PCDHA4: variants seen among roughly 807,000 people sequenced by gnomAD.
The protein encoded by PCDHA4 is protocadherin alpha 4.
Under a neutral mutation model 61.4 loss-of-function variants are expected in PCDHA4, and 49 were observed. That is an observed-to-expected ratio of 0.80 (90% CI 0.63 to 1.01). The LOEUF (loss-of-function observed/expected upper bound fraction) is 1.01. Ranked by LOEUF, PCDHA4 falls within the 50% of genes least tolerant of loss-of-function variation. PCDHA4 has a pLI of 0.00. For synonymous variants in PCDHA4, 590 were observed against 550.3 expected, an observed-to-expected ratio of 1.07 and a Z score of -1.01; for missense variants, 1,254 against 1,235.8, an observed-to-expected ratio of 1.01 and a Z score of -0.22.
At chr5:140,968,231 T>A in intron 1 of PCDHA4, 1 of 1,614,032 alleles carries the variant, frequency 6.2e-7, no homozygotes. Context: ...TGTGTTGCTC[T>A]GTACTGTGCA....
At chr5:140,966,666 C>T (rs2153748360) in intron 1 of PCDHA4, 7 of 1,259,308 alleles carry the variant, frequency 5.6e-6, no homozygotes, top group Non-Finnish European at 7.2e-6. Context: ...GGGGAGCAGG[C>T]GCAGGGTGGC....
intron 1 of PCDHA4, among the ~76,000 whole-genome samples, chr5:140,961,023 A>G (rs1216128174): frequency 6.6e-6 from 1 of 152,146 alleles, no homozygotes. Flanking sequence ...GACACTTGCT[A>G]CCTCCTTGTT....
intron 3 of PCDHA4, among the ~76,000 whole-genome samples, chr5:140,997,899 G>T (rs2097789789): frequency 6.6e-6 from 1 of 152,126 alleles, no homozygotes; most frequent in Non-Finnish European, 1.5e-5. Context: ...TAAATTTCAA[G>T]AAGTAGAATT....
chr5:140,917,067 C>T (rs375970452), intron 1 of PCDHA4, among the ~76,000 whole-genome samples: 3 of 152,178 alleles, frequency 2.0e-5, no homozygotes, highest in African/African-American at 4.8e-5. Context: ...ACGACAGCAC[C>T]GAGTTTAATG....
chr5:140,986,042 C>T (rs1344724281), intron 3 of PCDHA4, among the ~76,000 whole-genome samples: 1 of 152,104 alleles, frequency 6.6e-6, no homozygotes, highest in Admixed American at 6.5e-5. Context: ...CCTGGCCTCA[C>T]TGATGAATTC....
chr5:140,968,185 C>T (rs1554230464), intron 1 of PCDHA4: 1 of 1,614,034 alleles, frequency 6.2e-7, no homozygotes, highest in East Asian at 2.2e-5. Context: ...TGGAGGACTC[C>T]TATTCCATCT....
At chr5:140,989,140 C>A (rs2153881117) in intron 3 of PCDHA4, among the ~76,000 whole-genome samples, 1 of 152,290 alleles carries the variant, frequency 6.6e-6, no homozygotes, top group East Asian at 1.9e-4. Context: ...CACTTTATCC[C>A]TTCTTTTGTT....
At chr5:140,835,948 C>T (rs2150248824) in intron 1 of PCDHA4, 2 of 1,612,794 alleles carry the variant, frequency 1.2e-6, no homozygotes, top group East Asian at 2.2e-5. Context: ...GCGCTGCAGC[C>T]GTTGGACCAC....
intron 3 of PCDHA4, among the ~76,000 whole-genome samples, chr5:140,997,668 T>TTGTGTGTGTGTGTGTGTGTG (rs35184029): frequency 6.7e-6 from 1 of 148,244 alleles, no homozygotes; most frequent in African/African-American, 2.5e-5. Context: ...ATTATACAGC[T>TTGTGTGTGTGTGTGTGTGTG]TGTGTGTGTG....
At chr5:140,853,128 C>T (rs2150528900) in intron 1 of PCDHA4, 17 of 607,300 alleles carry the variant, frequency 2.8e-5, no homozygotes, top group Non-Finnish European at 3.6e-5. Flanking sequence ...ATCCTCCCGC[C>T]TCAGCCTCCC....
intron 3 of PCDHA4, among the ~76,000 whole-genome samples, chr5:140,995,010 T>A (rs1382186138): frequency 6.6e-6 from 1 of 152,156 alleles, no homozygotes; most frequent in Non-Finnish European, 1.5e-5. Context: ...TTGTTTATAT[T>A]TAGGAAAGAA....
intron 3 of PCDHA4, among the ~76,000 whole-genome samples, chr5:140,996,163 A>G (rs183777507): frequency 4.8e-4 from 73 of 152,326 alleles, no homozygotes; most frequent in African/African-American, 1.5e-3. Flanking sequence ...TTATACTGCA[A>G]TGTGCTGACA....
At chr5:140,990,627 A>G (rs782672988) in intron 3 of PCDHA4, among the ~76,000 whole-genome samples, 16 of 152,198 alleles carry the variant, frequency 1.1e-4, no homozygotes, top group Non-Finnish European at 1.5e-4. Flanking sequence ...GTCTGTGGTA[A>G]GACTAGAAGC....
chr5:140,829,101 T>C lies in PCDHA4; in HGVS notation c.2385+19529T>C, dbSNP rs2150162568. 8 of 1,611,922 alleles carry C rather than the reference T, an allele frequency of 5.0e-6. No homozygotes were observed. In the Admixed American group the frequency reaches 1.3e-4, roughly 27 times the overall value. ...CCCATGGCGGGTCATTGCACCGTTT[T>C]AGTGAGAATTTTGGATAAAAATGAT... On this transcript the variant is annotated intron_variant, in intron 1 of 3. Transcript: ENST00000530339.
intron 1 of PCDHA4, chr5:140,871,125 G>T (rs1387416665): frequency 6.2e-7 from 1 of 1,613,330 alleles, no homozygotes; most frequent in Non-Finnish European, 8.5e-7. Context: ...GCGGACAGGC[G>T]CCAAAGGCCT....
chr5:140,832,565 C>G (rs1487126370), intron 1 of PCDHA4, among the ~76,000 whole-genome samples: 2 of 152,180 alleles, frequency 1.3e-5, no homozygotes, highest in East Asian at 3.8e-4. Flanking sequence ...AGCCTCAAAA[C>G]AGCATACTTT....
chr5:140,929,080 A>T, intron 1 of PCDHA4: 1 of 1,614,180 alleles, frequency 6.2e-7, no homozygotes, highest in Non-Finnish European at 8.5e-7. Flanking sequence ...GTATGGAAGT[A>T]AGATGGTTTC....
chr5:140,998,596 C>G (rs1301065712), intron 3 of PCDHA4, among the ~76,000 whole-genome samples: 1 of 148,578 alleles, frequency 6.7e-6, no homozygotes, highest in Non-Finnish European at 1.5e-5. Flanking sequence ...CAGAGTTTTG[C>G]TCTTGTTGCC....
chr5:140,941,185 C>CTTT (rs782102770), intron 1 of PCDHA4, among the ~76,000 whole-genome samples: 77 of 102,238 alleles, frequency 7.5e-4, no homozygotes, highest in Admixed American at 3.0e-3. Flanking sequence ...CATCCTGCTT[C>CTTT]TTTTTTTTTC....
Sources: gnomAD v4.1 joint callset for allele counts (sites outside exome capture counted in the v4.1 genomes callset) on GRCh38, gnomAD v4.1.1 for gene constraint, MANE v1.5 for transcripts, NCBI Gene and HGNC (gene_info 2026-07-23, HGNC 2026-07-21) for gene names.